KIF6: variants seen among roughly 807,000 people sequenced by gnomAD.
KIF6 encodes the protein kinesin-like protein KIF6.
A neutral mutation model predicts 112.7 loss-of-function variants in KIF6; 106 were observed. That is an observed-to-expected ratio of 0.94 (90% CI 0.80 to 1.11). The LOEUF (loss-of-function observed/expected upper bound fraction) is 1.11, where lower values mean the gene tolerates loss of function less well. KIF6 is among the 50% of genes least tolerant of loss of function. The probability of loss-of-function intolerance (pLI) is 0.00; values close to 1 mark genes in which losing one functional copy is unlikely to be tolerated. For missense variants in KIF6, 929 were observed against 964.0 expected (o/e 0.96, Z 0.48); for synonymous variants, 339 against 339.9 (o/e 1.00, Z 0.03).
chr6:39,510,437 A>G (rs909685220), intron 13 of KIF6, among the ~76,000 whole-genome samples: 6 of 152,272 alleles, frequency 3.9e-5, no homozygotes, highest in Non-Finnish European at 8.8e-5. Flanking sequence ...TTTCATATCC[A>G]GCCAAACTAA....
At position 39,346,569 on chromosome 6, in the gene KIF6, A is replaced by T. The variant is rs972775803; in HGVS notation, c.2181-43T>A. On this transcript the variant is annotated intron_variant, in intron 19 of 22. Coordinates refer to ENST00000287152, the MANE Select transcript of KIF6 (RefSeq NM_145027.6). ...TTGTTGTTTGAGCCACTCAGTCTAT[A>T]GTATTTTGTTATAGCAGCCTGAGCA... 54 of 678,058 alleles carry T rather than the reference A, an allele frequency of 8.0e-5. No homozygotes were observed. The East Asian group carries it at 8.6e-4, about 11-fold the overall frequency. 42.0% of individuals were successfully genotyped at this position (678,058 alleles called of 1,614,324 possible).
chr6:39,343,820 A>C lies in KIF6; in HGVS notation c.2322-5T>G, dbSNP rs1208384044. The C allele has an allele frequency of 6.4e-7, 1 of 1,566,340 alleles. No individual in the cohort carries two copies. The highest frequency in any genetic ancestry group is 1.4e-5 in the African/African-American group (1 of 73,296). On this transcript the variant is annotated splice_polypyrimidine_tract_variant and splice_region_variant and intron_variant, in intron 21 of 22. Transcript: ENST00000287152. This position sits in a 1 kb window ranked among gnomAD's most constrained non-coding sequence, Gnocchi z 4.1. ...GACACTGGCCTCTTGGGGATGCTGG[A>C]GGCAACCACGTGTCACATTTTACTA...
At position 39,343,829 on chromosome 6, in the gene KIF6, C is replaced by T. The variant is rs774889516; in HGVS notation, c.2322-14G>A. 1.5e-5 allele frequency: 22 copies of T among 1,516,770 alleles called. No homozygotes were observed. Among genetic ancestry groups the T allele is most frequent in the African/African-American group, 9.7e-5 (7 of 72,262 alleles). 94.0% of individuals were successfully genotyped at this position (1,516,770 alleles called of 1,614,324 possible). A position where few individuals can be genotyped will look rare whatever the true frequency, so the allele number is the denominator to read the frequency against. On this transcript the variant is annotated splice_polypyrimidine_tract_variant and intron_variant, in intron 21 of 22. Coordinates refer to ENST00000287152, the MANE Select transcript of KIF6 (RefSeq NM_145027.6). The surrounding 1 kb of genome is among the most constrained non-coding windows in gnomAD (Gnocchi z 4.1). ...CTCTTGGGGATGCTGGAGGCAACCACGTGTCACATTTTACTACACTTTACA... is the reference window on the plus strand; with the variant it reads ...CTCTTGGGGATGCTGGAGGCAACCATGTGTCACATTTTACTACACTTTACA...
intron 10 of KIF6, among the ~76,000 whole-genome samples, chr6:39,559,476 A>G (rs757035458): frequency 4.6e-5 from 7 of 152,156 alleles, no homozygotes; most frequent in Non-Finnish European, 1.0e-4. Context: ...ACTATTTTCC[A>G]CAAAGAACAC....
intron 7 of KIF6, among the ~76,000 whole-genome samples, chr6:39,591,678 A>T (rs1781960541): frequency 6.6e-6 from 1 of 152,226 alleles, no homozygotes; most frequent in East Asian, 1.9e-4. Context: ...GAGCAGATGT[A>T]AAACTTTGGA....
intron 13 of KIF6, among the ~76,000 whole-genome samples, chr6:39,520,374 A>C (rs779326314): frequency 3.1e-4 from 47 of 152,348 alleles, no homozygotes; most frequent in Non-Finnish European, 6.0e-4. Flanking sequence ...TAAAGCTGGC[A>C]GCTCCAACCA....
chr6:39,714,552 G>A (rs1488710813), intron 3 of KIF6, 140 bp downstream of exon 3: 3 of 611,292 alleles, frequency 4.9e-6, no homozygotes, highest in Non-Finnish European at 8.9e-6. Flanking sequence ...AGGAACAGAA[G>A]GTATTAATGC....
chr6:39,534,731 A>T (rs376772690), intron 13 of KIF6, among the ~76,000 whole-genome samples: 1 of 152,140 alleles, frequency 6.6e-6, no homozygotes, highest in African/African-American at 2.4e-5. Context: ...GATACTCCTC[A>T]AGAAGAGCAA....
chr6:39,574,471 T>C (rs1340395811), intron 10 of KIF6, among the ~76,000 whole-genome samples: 1 of 152,188 alleles, frequency 6.6e-6, no homozygotes, highest in East Asian at 1.9e-4. Context: ...TTTAAAGTAC[T>C]TTTTGTTTGT....
intron 3 of KIF6, among the ~76,000 whole-genome samples, chr6:39,695,846 C>T (rs1421408570): frequency 6.6e-6 from 1 of 152,146 alleles, no homozygotes; most frequent in Non-Finnish European, 1.5e-5. Context: ...CACCCACACT[C>T]GTATTCTCAT....
chr6:39,564,016 G>T (rs144627169), intron 10 of KIF6, among the ~76,000 whole-genome samples: 2 of 152,142 alleles, frequency 1.3e-5, no homozygotes, highest in Non-Finnish European at 2.9e-5. Context: ...AAAGTGGCAC[G>T]CAGGAAAAAG....
chr6:39,470,485 A>G (rs1774055259), intron 13 of KIF6, among the ~76,000 whole-genome samples: 2 of 152,150 alleles, frequency 1.3e-5, no homozygotes, highest in African/African-American at 2.4e-5. Flanking sequence ...CTCCAAAATG[A>G]AATCTGCCAG....
chr6:39,518,336 C>T (rs1777189999), intron 13 of KIF6, among the ~76,000 whole-genome samples: 1 of 152,142 alleles, frequency 6.6e-6, no homozygotes, highest in African/African-American at 2.4e-5. Flanking sequence ...CACATGCTTG[C>T]ACAGCTGTGA....
At chr6:39,488,616 T>C (rs1406032011) in intron 13 of KIF6, among the ~76,000 whole-genome samples, 1 of 152,188 alleles carries the variant, frequency 6.6e-6, no homozygotes, top group Non-Finnish European at 1.5e-5. Flanking sequence ...TTTATTTATC[T>C]TTGACTCCCT....
chr6:39,702,095 AG>A (rs771636217), intron 3 of KIF6, among the ~76,000 whole-genome samples: 3 of 152,220 alleles, frequency 2.0e-5, no homozygotes, highest in Non-Finnish European at 4.4e-5. Flanking sequence ...CAGATCTCTT[AG>A]GACCCTTCTC....
chr6:39,701,776 C>T (rs950571487), intron 3 of KIF6, among the ~76,000 whole-genome samples: 10 of 152,182 alleles, frequency 6.6e-5, no homozygotes, highest in African/African-American at 2.4e-4. Flanking sequence ...CCTGCAGTCA[C>T]TAGTGAAGAA....
At chr6:39,609,141 C>A (rs1783058280) in intron 6 of KIF6, among the ~76,000 whole-genome samples, 1 of 152,192 alleles carries the variant, frequency 6.6e-6, no homozygotes, top group Admixed American at 6.5e-5. Flanking sequence ...AAAGCTCATG[C>A]TCTTCAGCAC....
At chr6:39,500,483 G>C (rs1020290132) in intron 13 of KIF6, among the ~76,000 whole-genome samples, 22 of 152,120 alleles carry the variant, frequency 1.4e-4, no homozygotes, top group African/African-American at 5.3e-4. Context: ...AAGAGCTAGG[G>C]AAATATAATG....
intron 13 of KIF6, among the ~76,000 whole-genome samples, chr6:39,443,300 T>C (rs1414294861): frequency 1.3e-5 from 2 of 151,908 alleles, no homozygotes; most frequent in East Asian, 3.8e-4. Context: ...AGATTAGCTC[T>C]TGTGTGAGCC....
Sources: gnomAD v4.1 joint callset for allele counts (sites outside exome capture counted in the v4.1 genomes callset) on GRCh38, gnomAD v4.1.1 for gene constraint, Gnocchi (gnomAD v3.1) non-coding constraint, MANE v1.5 for transcripts, NCBI Gene and HGNC (gene_info 2026-07-23, HGNC 2026-07-21) for gene names.